The following BMS1 variants were observed in gnomAD, a reference collection of about 807,000 sequenced individuals.
BMS1 encodes ribosome biogenesis protein BMS1 homolog.
In BMS1, 53 loss-of-function variants were observed where a neutral mutation model predicts 138.7. The observed-to-expected ratio is 0.38, with a 90% confidence interval of 0.31 to 0.48. The LOEUF (loss-of-function observed/expected upper bound fraction) is 0.48. Among genes scored for constraint, BMS1 ranks in the 20% least tolerant of loss-of-function variants. The pLI is 0.97. For synonymous variants in BMS1, 504 were observed against 539.9 expected (o/e 0.93, Z 0.92); for missense variants, 1,360 against 1,565.5 (o/e 0.87, Z 2.22).
chr10:42,820,750 A>T (rs3982209), intron 17 of BMS1, 62 bp downstream of exon 17: 1 of 1,562,684 alleles, frequency 6.4e-7, no homozygotes, highest in Non-Finnish European at 8.7e-7. Context: ...CTGCGTTATT[A>T]TAGCTTTGTG....
At chr10:42,803,867 C>T (rs1234058593) in intron 13 of BMS1, among the ~76,000 whole-genome samples, 2 of 152,156 alleles carry the variant, frequency 1.3e-5, no homozygotes, top group African/African-American at 4.8e-5. Flanking sequence ...TTGTCACCCC[C>T]ACAGTTTTCT....
intron 21 of BMS1, among the ~76,000 whole-genome samples, chr10:42,827,844 G>A (rs888925313): frequency 3.3e-5 from 5 of 151,954 alleles, no homozygotes; most frequent in African/African-American, 7.3e-5. Flanking sequence ...GCTATTGATC[G>A]GCCCCTTGCT....
At chr10:42,823,828 A>G (rs1564431738) in intron 21 of BMS1, 44 bp downstream of exon 21, 5 of 1,398,644 alleles carry the variant, frequency 3.6e-6, no homozygotes, top group Non-Finnish European at 3.7e-6. Flanking sequence ...CCTGTGCTCT[A>G]CAGACAGGGA....
In BMS1 at chr10:42,791,821, A is replaced by G. The variant is rs755196944; in HGVS notation, c.779+52A>G. 8.4e-6 allele frequency: 13 copies of G among 1,547,808 alleles called. No individual in the cohort carries two copies. In the African/African-American group the frequency reaches 1.8e-4, roughly 22 times the overall value. ...TCCTGGGCCATATATTTCAAAGCTA[A>G]AAAGGCTAGAAAAAGAACAGTGATA... On this transcript the variant is annotated intron_variant, in intron 6 of 22. Coordinates refer to ENST00000374518, the MANE Select transcript of BMS1 (RefSeq NM_014753.4).
At chr10:42,800,335 T>C (rs917310342) in intron 12 of BMS1, among the ~76,000 whole-genome samples, 5 of 152,150 alleles carry the variant, frequency 3.3e-5, no homozygotes, top group Non-Finnish European at 5.9e-5. Flanking sequence ...GTTGTGTCCT[T>C]TTAATGCTGT....
At chr10:42,817,617 T>G (rs1246309683) in intron 15 of BMS1, 123 bp downstream of exon 15, 11 of 936,664 alleles carry the variant, frequency 1.2e-5, no homozygotes, top group Non-Finnish European at 1.7e-5. Flanking sequence ...GTGCCTTTCA[T>G]TCGGACTCCT....
intron 13 of BMS1, among the ~76,000 whole-genome samples, chr10:42,810,400 G>C (rs1842138363): frequency 6.6e-6 from 1 of 152,012 alleles, no homozygotes; most frequent in African/African-American, 2.4e-5. Flanking sequence ...CTTTGTTGAG[G>C]ACTTTTTGCA....
chr10:42,784,808 T>G (rs1451660609), intron 2 of BMS1, among the ~76,000 whole-genome samples: 4 of 152,258 alleles, frequency 2.6e-5, no homozygotes, highest in African/African-American at 9.6e-5. Flanking sequence ...TAGACTTTGT[T>G]TGTTCCTAAA....
At position 42,797,412 on chromosome 10, in the gene BMS1, G is replaced by T. The variant is rs758347529; in HGVS notation, c.1988-10G>T. 5 of 1,614,054 alleles carry T rather than the reference G, an allele frequency of 3.1e-6. No homozygotes were observed. The highest frequency in any genetic ancestry group is 2.2e-5 in the South Asian group (2 of 91,072). The stretch of plus-strand genomic sequence containing the variant: ...TAAGCCTAACTGGAGGTTGGCATTG[G>T]TCGTTTCAGGTGCCCTCAAGTGGAA... On this transcript the variant is annotated splice_polypyrimidine_tract_variant and intron_variant, in intron 10 of 22. Coordinates refer to ENST00000374518, the MANE Select transcript of BMS1 (RefSeq NM_014753.4).
In BMS1 at chr10:42,832,818, A is replaced by G. The variant is rs1588768141; in HGVS notation, c.*1722A>G. ...AGAGCTATTATGAATTTCATCATCC[A>G]TTATGCTGATAGGCCTGGGGACTGA... On this transcript the variant is annotated 3_prime_UTR_variant, in exon 23 of 23. Coordinates refer to ENST00000374518, the MANE Select transcript of BMS1 (RefSeq NM_014753.4). The G allele has an allele frequency of 6.6e-6, 1 of 152,352 alleles. No homozygotes were observed. 9.4% of individuals were successfully genotyped at this position (152,352 alleles called of 1,614,324 possible).
Position 42,820,973 on chromosome 10 carries a change from A to C in BMS1, c.2990A>C (p.Gln997Pro). The change falls in exon 18 of 23, where the codon CAG becomes CCG. Residue 997 changes from glutamine to proline, a missense_variant. Transcript: ENST00000374518. ...TPQGTGFLAI[Q>P]SVSGIMPDFR... The stretch of plus-strand genomic sequence containing the variant: ...CAGGGAACTGGTTTCTTGGCAATAC[A>C]GTCTGTCAGTGGCATAATGGTAACT... 6.3e-7 allele frequency: 1 copy of C among 1,595,650 alleles called. No individual in the cohort carries two copies. The highest frequency in any genetic ancestry group is 1.1e-5 in the South Asian group (1 of 90,856).
At chr10:42,805,243 C>T (rs1485654134) in intron 13 of BMS1, among the ~76,000 whole-genome samples, 1 of 152,118 alleles carries the variant, frequency 6.6e-6, no homozygotes, top group Admixed American at 6.5e-5. Context: ...TGCTGAAAAT[C>T]TATTTTTTTC....
intron 9 of BMS1, among the ~76,000 whole-genome samples, chr10:42,794,199 C>T (rs1454430976): frequency 1.3e-5 from 2 of 152,086 alleles, no homozygotes; most frequent in Non-Finnish European, 2.9e-5. Context: ...ATGCATTTTT[C>T]AACAGACCCC....
intron 4 of BMS1, among the ~76,000 whole-genome samples, chr10:42,787,729 G>A (rs994171352): frequency 3.3e-5 from 5 of 152,120 alleles, no homozygotes; most frequent in Non-Finnish European, 7.4e-5. Flanking sequence ...GTGTGAAGTT[G>A]GGACCCTTGT....
At chr10:42,804,179 A>T (rs1841950621) in intron 13 of BMS1, among the ~76,000 whole-genome samples, 1 of 152,192 alleles carries the variant, frequency 6.6e-6, no homozygotes, top group Non-Finnish European at 1.5e-5. Flanking sequence ...TTATGAGTAA[A>T]GCTGCTATGA....
chr10:42,827,482 T>C (rs567681198), intron 21 of BMS1, among the ~76,000 whole-genome samples: 1 of 152,206 alleles, frequency 6.6e-6, no homozygotes, highest in East Asian at 1.9e-4. Flanking sequence ...GGGTGGGACA[T>C]GCTCCCGAAG....
intron 21 of BMS1, among the ~76,000 whole-genome samples, chr10:42,828,828 T>C (rs1443783531): frequency 6.6e-6 from 1 of 152,168 alleles, no homozygotes; most frequent in Non-Finnish European, 1.5e-5. Flanking sequence ...AGGCATTTCT[T>C]TTTATATAAA....
In BMS1 at chr10:42,785,481, G is replaced by C; in HGVS notation, c.177-1G>C. On this transcript the variant is annotated splice_acceptor_variant, in intron 2 of 22. Coordinates refer to ENST00000374518, the MANE Select transcript of BMS1 (RefSeq NM_014753.4). LOFTEE classifies it high-confidence loss of function. ...TTATTTGTTTATTTTTTAATGAATA[G>C]GACTCAGGATTTGAAGACAAAAAAG... 2 of 1,602,308 alleles carry C rather than the reference G, an allele frequency of 1.2e-6. No individual in the cohort carries two copies. The highest frequency in any genetic ancestry group is 1.7e-6 in the Non-Finnish European group (2 of 1,173,726).
At chr10:42,802,306 A>G (rs1421258649) in intron 13 of BMS1, 88 bp downstream of exon 13, 2 of 1,144,170 alleles carry the variant, frequency 1.7e-6, no homozygotes, top group African/African-American at 3.2e-5. Flanking sequence ...AATTGAAAAT[A>G]ATAGTCACTT....
Sources: gnomAD v4.1 joint callset for allele counts (sites outside exome capture counted in the v4.1 genomes callset) on GRCh38, gnomAD v4.1.1 for gene constraint, MANE v1.5 for transcripts, NCBI Gene and HGNC (gene_info 2026-07-23, HGNC 2026-07-21) for gene names.